The following ELOVL6 variants were observed in gnomAD, a reference collection of about 807,000 sequenced individuals.
The protein encoded by ELOVL6 is very long chain fatty acid elongase 6.
A neutral mutation model predicts 31.7 loss-of-function variants in ELOVL6; 8 were observed. The observed-to-expected ratio is 0.25, with a 90% CI of 0.15 to 0.45. The LOEUF is 0.45. Among genes scored for constraint, ELOVL6 ranks in the 20% least tolerant of loss-of-function variants. ELOVL6 has a pLI of 1.00. For synonymous variants in ELOVL6, 101 were observed against 117.7 expected (o/e 0.86, Z 0.92); for missense variants, 126 against 326.4 (o/e 0.39, Z 4.73).
At chr4:110,181,803 T>C (rs1759281546) in intron 1 of ELOVL6, among the ~76,000 whole-genome samples, 1 of 152,204 alleles carries the variant, frequency 6.6e-6, no homozygotes, top group Admixed American at 6.5e-5. Context: ...TGGAAAGCCC[T>C]GTCACATTGC....
intron 2 of ELOVL6, 61 bp from the exon 3 acceptor site, chr4:110,059,815 A>G (rs932881658): frequency 1.2e-5 from 18 of 1,511,782 alleles, no homozygotes; most frequent in Admixed American, 3.7e-5. Context: ...TCTCACATCA[A>G]CCATACTTAG....
intron 2 of ELOVL6, among the ~76,000 whole-genome samples, chr4:110,076,089 T>C (rs997459199): frequency 6.6e-6 from 1 of 152,222 alleles, no homozygotes; most frequent in Non-Finnish European, 1.5e-5. Flanking sequence ...AGCAAGCTGA[T>C]GAGAAAAACC....
Position 110,051,474 on chromosome 4 carries a change from T to C in ELOVL6, c.662A>G (p.Gln221Arg). ...AAAGTGAGAGTGACACTGGTCATGC[T>C]GCATCCAGCAGAAGACCAGGTAGTT... ...VVNYLVFCWM[Q>R]HDQCHSHFQN... Residue 221 changes from glutamine (Q) to arginine (R), a missense_variant, in exon 4 of 4, where the codon CAG becomes CGG. Gln to Arg is a conservative substitution (Grantham distance 43). Transcript: ENST00000302274. The surrounding 1 kb of genome is among the most constrained non-coding windows in gnomAD (Gnocchi z 4.8). The C allele has an allele frequency of 6.2e-7, 1 of 1,614,208 alleles. No individual in the cohort carries two copies. Among genetic ancestry groups the C allele is most frequent in the Non-Finnish European group, 8.5e-7 (1 of 1,180,028 alleles).
chr4:110,082,684 T>G (rs1206591163), intron 2 of ELOVL6, among the ~76,000 whole-genome samples: 2 of 152,088 alleles, frequency 1.3e-5, no homozygotes, highest in Non-Finnish European at 2.9e-5. Context: ...ACATGGCACA[T>G]GTATACATAT....
chr4:110,178,979 C>G (rs1405510423), intron 1 of ELOVL6, among the ~76,000 whole-genome samples: 1 of 152,090 alleles, frequency 6.6e-6, no homozygotes, highest in Non-Finnish European at 1.5e-5. Context: ...TGCTCCAAGC[C>G]TATCCACAAG....
At position 110,198,496 on chromosome 4, in the gene ELOVL6, C is replaced by T; in HGVS notation, c.-161G>A. The T allele has an allele frequency of 1.7e-6, 1 of 595,872 alleles. No individual in the cohort carries two copies. The highest frequency in any genetic ancestry group is 2.8e-5 in the East Asian group (1 of 35,162). The allele number at this position is 595,872 out of a possible 1,614,324, so 36.9% of individuals were successfully genotyped here. A position where few individuals can be genotyped will look rare whatever the true frequency, so the allele number is the denominator to read the frequency against. Reference sequence around the variant, plus strand: ...GCGGTCGTCTCTTCTCCCAGCCTCTCAGCTACATCCAGGGCTGAGCATTGC... The same window carrying T: ...GCGGTCGTCTCTTCTCCCAGCCTCTTAGCTACATCCAGGGCTGAGCATTGC... On this transcript the variant is annotated 5_prime_UTR_variant, in exon 1 of 4. The change abolishes the stop of an existing upstream ORF in the 5' untranslated region. Transcript: ENST00000302274.
intron 1 of ELOVL6, among the ~76,000 whole-genome samples, chr4:110,144,794 A>T (rs967006918): frequency 1.3e-5 from 2 of 152,208 alleles, no homozygotes; most frequent in African/African-American, 2.4e-5. Flanking sequence ...TGAATGGAAC[A>T]GCTGTAATCA....
chr4:110,084,806 G>T (rs983583111), intron 2 of ELOVL6, among the ~76,000 whole-genome samples: 3 of 150,878 alleles, frequency 2.0e-5, no homozygotes, highest in East Asian at 2.0e-4. Context: ...TGTTGGTCAC[G>T]CTGGTCTCGA....
chr4:110,137,626 CTTAT>C (rs1206701139), intron 1 of ELOVL6, among the ~76,000 whole-genome samples: 3 of 152,104 alleles, frequency 2.0e-5, no homozygotes, highest in Non-Finnish European at 4.4e-5. Context: ...TCAGATTTAT[CTTAT>C]TTATTAATAG....
intron 1 of ELOVL6, among the ~76,000 whole-genome samples, chr4:110,179,567 ATATT>A (rs143507974): frequency 0.18 from 27,465 of 152,050 alleles, 2,702 homozygotes; most frequent in South Asian, 0.26. Context: ...GAAAACAAGA[ATATT>A]TATTTTCATT....
chr4:110,066,924 C>G (rs990808697), intron 2 of ELOVL6, among the ~76,000 whole-genome samples: 2 of 152,044 alleles, frequency 1.3e-5, no homozygotes, highest in African/African-American at 4.8e-5. Context: ...CATTGCCCCC[C>G]ACCCCCTGCC....
intron 2 of ELOVL6, among the ~76,000 whole-genome samples, chr4:110,084,469 T>TC (rs1560815517): frequency 1.7e-5 from 2 of 118,888 alleles, no homozygotes; most frequent in Admixed American, 8.7e-5. Flanking sequence ...ATATGATATA[T>TC]AACAATATAC....
At chr4:110,064,751 G>A (rs1755249058) in intron 2 of ELOVL6, among the ~76,000 whole-genome samples, 1 of 152,116 alleles carries the variant, frequency 6.6e-6, no homozygotes, top group Admixed American at 6.5e-5. Context: ...GCCTCCCAAA[G>A]TGCTGGGATT....
chr4:110,162,333 T>A (rs1308139396), intron 1 of ELOVL6, among the ~76,000 whole-genome samples: 2 of 152,204 alleles, frequency 1.3e-5, no homozygotes, highest in South Asian at 4.1e-4. Context: ...AATATAGACA[T>A]CTTGTGGGTT....
chr4:110,060,723 G>C (rs1405041188), intron 2 of ELOVL6, among the ~76,000 whole-genome samples: 1 of 152,144 alleles, frequency 6.6e-6, no homozygotes. Flanking sequence ...TGAAAGGAGA[G>C]CTGGCTGACC....
chr4:110,179,924 T>C (rs1242469068), intron 1 of ELOVL6, among the ~76,000 whole-genome samples: 1 of 152,240 alleles, frequency 6.6e-6, no homozygotes, highest in African/African-American at 2.4e-5. Flanking sequence ...AGGTAGAACA[T>C]GTCATCAGCT....
At chr4:110,164,284 G>C (rs1325646397) in intron 1 of ELOVL6, among the ~76,000 whole-genome samples, 1 of 152,186 alleles carries the variant, frequency 6.6e-6, no homozygotes, top group Admixed American at 6.5e-5. Flanking sequence ...ACAGGTCCCA[G>C]AGTTTGATAC....
At chr4:110,078,113 T>C (rs998690063) in intron 2 of ELOVL6, among the ~76,000 whole-genome samples, 2 of 152,202 alleles carry the variant, frequency 1.3e-5, no homozygotes, top group African/African-American at 2.4e-5. Flanking sequence ...CTACATCTGA[T>C]TGGTGTACCT....
chr4:110,062,088 G>C (rs995381549), intron 2 of ELOVL6, among the ~76,000 whole-genome samples: 2 of 152,218 alleles, frequency 1.3e-5, no homozygotes, highest in Non-Finnish European at 2.9e-5. Flanking sequence ...TGGCTAGTGA[G>C]TGGTAGTCCT....
Sources: allele counts gnomAD v4.1 joint callset (sites outside exome capture counted in the v4.1 genomes callset), GRCh38; gene constraint gnomAD v4.1.1; non-coding constraint Gnocchi (gnomAD v3.1); transcripts MANE v1.5; gene names NCBI Gene and HGNC (gene_info 2026-07-23, HGNC 2026-07-21).